The following RNF130 variants were observed in gnomAD, a reference collection of about 807,000 sequenced individuals.
RNF130 encodes the protein E3 ubiquitin-protein ligase RNF130.
RNF130 carries 21 observed loss-of-function variants against 44.6 expected under a neutral mutation model. The ratio of observed to expected loss-of-function variants is 0.47; its 90% CI spans 0.33 to 0.68. The LOEUF (loss-of-function observed/expected upper bound fraction) is 0.68. Ranked by LOEUF, RNF130 falls within the 30% of genes least tolerant of loss-of-function variation. The pLI, the probability that RNF130 is intolerant of heterozygous loss-of-function variation, is 0.02. For synonymous variants in RNF130, 214 were observed against 210.4 expected (o/e 1.02, Z -0.15); for missense variants, 479 against 560.6 (o/e 0.85, Z 1.47).
At chr5:179,982,374 A>G (rs1199555598) in intron 3 of RNF130, among the ~76,000 whole-genome samples, 2 of 151,970 alleles carry the variant, frequency 1.3e-5, no homozygotes, top group African/African-American at 2.4e-5. Context: ...TTGCATGGAC[A>G]TATGCTTTCT....
At chr5:180,068,472 GAC>G (rs1436809104) in intron 1 of RNF130, among the ~76,000 whole-genome samples, 1 of 152,250 alleles carries the variant, frequency 6.6e-6, no homozygotes, top group East Asian at 1.9e-4. Flanking sequence ...TAATGACAAA[GAC>G]ATATTTTTAA....
intron 7 of RNF130, among the ~76,000 whole-genome samples, chr5:179,941,009 T>A (rs1761963553): frequency 6.6e-6 from 1 of 152,198 alleles, no homozygotes; most frequent in South Asian, 2.1e-4. Context: ...GTTCTTCCTT[T>A]CAATTATTTT....
chr5:180,031,244 TG>T (rs1561699790), intron 2 of RNF130, among the ~76,000 whole-genome samples: 1 of 152,156 alleles, frequency 6.6e-6, no homozygotes, highest in East Asian at 1.9e-4. Flanking sequence ...CCTAGCACTT[TG>T]GGAGGCTGAG....
chr5:179,962,294 C>T (rs534078511), intron 8 of RNF130, among the ~76,000 whole-genome samples: 1 of 152,258 alleles, frequency 6.6e-6, no homozygotes, highest in East Asian at 1.9e-4. Flanking sequence ...AGTATCTAGC[C>T]CCAGATGAGG....
chr5:179,944,716 C>T (rs1261185861), intron 7 of RNF130, among the ~76,000 whole-genome samples: 1 of 151,634 alleles, frequency 6.6e-6, no homozygotes, highest in Non-Finnish European at 1.5e-5. Flanking sequence ...GAACCATGAT[C>T]ACACCACTCC....
intron 1 of RNF130, among the ~76,000 whole-genome samples, chr5:180,047,180 T>G (rs2113152944): frequency 6.6e-6 from 1 of 152,376 alleles, no homozygotes; most frequent in Admixed American, 6.5e-5. Flanking sequence ...AATTTCTTTA[T>G]TCTTTAAATT....
intron 1 of RNF130, among the ~76,000 whole-genome samples, chr5:180,066,435 A>G (rs1765109091): frequency 6.6e-6 from 1 of 152,192 alleles, no homozygotes. Flanking sequence ...GCATGAAAAC[A>G]GACTAATATA....
At chr5:180,060,564 C>T (rs1484330894) in intron 1 of RNF130, among the ~76,000 whole-genome samples, 6 of 152,150 alleles carry the variant, frequency 3.9e-5, no homozygotes, top group African/African-American at 2.4e-5. Flanking sequence ...CAACACACCG[C>T]GAGGGCCTGT....
At chr5:179,968,269 T>A (rs1039680799) in intron 6 of RNF130, among the ~76,000 whole-genome samples, 3 of 152,018 alleles carry the variant, frequency 2.0e-5, no homozygotes. Flanking sequence ...CACTCCAGCC[T>A]GGGCGACAGA....
chr5:180,035,667 G>A (rs1764233137), intron 2 of RNF130, among the ~76,000 whole-genome samples: 1 of 152,168 alleles, frequency 6.6e-6, no homozygotes, highest in Non-Finnish European at 1.5e-5. Flanking sequence ...TTTGCTTTGT[G>A]TATCTTAGGT....
chr5:179,922,712 T>C (rs767425125), intron 7 of RNF130, among the ~76,000 whole-genome samples: 2 of 151,344 alleles, frequency 1.3e-5, no homozygotes, highest in African/African-American at 2.4e-5. Context: ...CTGAGCCAGA[T>C]GGCTTCAGCT....
At chr5:180,000,718 C>T (rs1383706277) in intron 3 of RNF130, among the ~76,000 whole-genome samples, 1 of 152,114 alleles carries the variant, frequency 6.6e-6, no homozygotes, top group Admixed American at 6.5e-5. Flanking sequence ...TTGAATTCTT[C>T]AGCTGCAGGA....
exon 8 of RNF130, chr5:179,918,395 G>A (rs1761582931): frequency 6.6e-6 from 1 of 152,196 alleles, no homozygotes; most frequent in South Asian, 2.1e-4. Context: ...CCTCAAATCA[G>A]GAGAAAATGC....
At chr5:180,038,011 G>A (rs1764287828) in intron 2 of RNF130, among the ~76,000 whole-genome samples, 1 of 152,114 alleles carries the variant, frequency 6.6e-6, no homozygotes, top group African/African-American at 2.4e-5. Context: ...AAATAGGTTT[G>A]GGAAACACTA....
At chr5:179,970,746 T>G (rs1019974194) in intron 5 of RNF130, among the ~76,000 whole-genome samples, 2 of 152,214 alleles carry the variant, frequency 1.3e-5, no homozygotes, top group Non-Finnish European at 1.5e-5. Context: ...TGTTTGGGCC[T>G]TTTATTTTAC....
exon 8 of RNF130, chr5:179,913,125 G>A (rs1363627362): frequency 6.6e-6 from 1 of 152,298 alleles, no homozygotes; most frequent in East Asian, 1.9e-4. Context: ...AGTTCCCACA[G>A]GAGAATGCAC....
At chr5:179,985,703 C>A (rs570508371) in intron 3 of RNF130, among the ~76,000 whole-genome samples, 1 of 152,258 alleles carries the variant, frequency 6.6e-6, no homozygotes, top group Admixed American at 6.5e-5. Flanking sequence ...CCCTTCCAGG[C>A]TGGTGTTTAG....
At chr5:179,995,130 G>A (rs1763174008) in intron 3 of RNF130, among the ~76,000 whole-genome samples, 1 of 152,144 alleles carries the variant, frequency 6.6e-6, no homozygotes, top group Non-Finnish European at 1.5e-5. Flanking sequence ...AACTGACATT[G>A]CATCAATGTC....
chr5:179,955,366 G>C lies in RNF130; in HGVS notation c.*288C>G, dbSNP rs1312881519. ...AAGTGTCAATCCCTGTTCCTCTCAC[G>C]GGAGCCAGGAGCACATTCTGTCTCT... On this transcript the variant is annotated 3_prime_UTR_variant, in exon 9 of 9. Coordinates refer to ENST00000521389, the MANE Select transcript of RNF130 (RefSeq NM_018434.6). The C allele has an allele frequency of 1.2e-5, 4 of 345,826 alleles. No individual in the cohort carries two copies. Among genetic ancestry groups the C allele is most frequent in the Non-Finnish European group, 2.1e-5 (4 of 190,382 alleles). The allele number at this position is 345,826 out of a possible 1,614,324, so 21.4% of individuals were successfully genotyped here. A position where few individuals can be genotyped will look rare whatever the true frequency, so the allele number is the denominator to read the frequency against.
Sources: gnomAD v4.1 joint callset for allele counts (sites outside exome capture counted in the v4.1 genomes callset) on GRCh38, gnomAD v4.1.1 for gene constraint, MANE v1.5 for transcripts, NCBI Gene and HGNC (gene_info 2026-07-23, HGNC 2026-07-21) for gene names.